LRRC4C: variants seen among roughly 807,000 people sequenced by gnomAD.
LRRC4C encodes the protein leucine-rich repeat-containing protein 4C.
Under a neutral mutation model 33.6 loss-of-function variants are expected in LRRC4C, and 5 were observed. The observed-to-expected ratio is 0.15, with a 90% confidence interval of 0.08 to 0.31. LRRC4C has a LOEUF of 0.31. Ranked by LOEUF, LRRC4C falls within the 10% of genes least tolerant of loss-of-function variation. The pLI is 1.00. For missense variants in LRRC4C, 560 were observed against 796.7 expected (o/e 0.70, Z 3.58); for synonymous variants, 329 against 302.0 (o/e 1.09, Z -0.93).
chr11:40,444,311 C>T (rs1161735980), intron 3 of LRRC4C, among the ~76,000 whole-genome samples: 2 of 132,496 alleles, frequency 1.5e-5, no homozygotes, highest in Non-Finnish European at 3.3e-5. Context: ...TAATCTCTGC[C>T]TTAACATTTT....
chr11:40,128,439 G>A (rs527832899), intron 6 of LRRC4C, among the ~76,000 whole-genome samples: 53 of 152,166 alleles, frequency 3.5e-4, no homozygotes, highest in Non-Finnish European at 7.2e-4. Flanking sequence ...TTTCCAACTT[G>A]AACCTCTTAA....
At chr11:40,476,045 C>T (rs1953202134) in intron 3 of LRRC4C, among the ~76,000 whole-genome samples, 1 of 152,148 alleles carries the variant, frequency 6.6e-6, no homozygotes, top group Non-Finnish European at 1.5e-5. Context: ...TACCCTCCTG[C>T]ATCTCCAGAC....
intron 3 of LRRC4C, among the ~76,000 whole-genome samples, chr11:40,391,836 C>T (rs1949349704): frequency 6.6e-6 from 1 of 152,098 alleles, no homozygotes; most frequent in African/African-American, 2.4e-5. Context: ...ACATAAAAAC[C>T]TGTCTGCGAA....
chr11:40,119,228 AC>A (rs1428810949), intron 6 of LRRC4C, among the ~76,000 whole-genome samples: 1 of 152,242 alleles, frequency 6.6e-6, no homozygotes, highest in Non-Finnish European at 1.5e-5. Context: ...ACCCACGTTT[AC>A]AAAAACACTG....
chr11:41,232,521 G>C (rs1947846732), intron 1 of LRRC4C, among the ~76,000 whole-genome samples: 1 of 151,966 alleles, frequency 6.6e-6, no homozygotes, highest in South Asian at 2.1e-4. Flanking sequence ...TATTTCAAAA[G>C]TTCTGTGTTC....
chr11:40,974,401 G>A (rs1291299877), intron 1 of LRRC4C, among the ~76,000 whole-genome samples: 2 of 152,110 alleles, frequency 1.3e-5, no homozygotes, highest in Non-Finnish European at 2.9e-5. Flanking sequence ...TATAACTGAG[G>A]ATAACAGAGG....
At chr11:40,746,868 CCA>C (rs1480687662) in intron 2 of LRRC4C, among the ~76,000 whole-genome samples, 1 of 152,192 alleles carries the variant, frequency 6.6e-6, no homozygotes, top group East Asian at 1.9e-4. Flanking sequence ...ACTCAATTCA[CCA>C]CAGTTACGAC....
chr11:41,411,907 G>C (rs1392799495), intron 1 of LRRC4C, among the ~76,000 whole-genome samples: 1 of 152,180 alleles, frequency 6.6e-6, no homozygotes, highest in Non-Finnish European at 1.5e-5. Flanking sequence ...TACCAGCCTT[G>C]TGTTGTGAAC....
chr11:41,067,915 A>G (rs2902125), intron 1 of LRRC4C, among the ~76,000 whole-genome samples: 56,222 of 152,030 alleles, frequency 0.37, 10,662 homozygotes, highest in African/African-American at 0.43. Context: ...AGTTTTAAGA[A>G]GGATATCTAT....
intron 5 of LRRC4C, among the ~76,000 whole-genome samples, chr11:40,194,653 G>A (rs988307422): frequency 2.6e-5 from 4 of 152,030 alleles, no homozygotes; most frequent in African/African-American, 9.7e-5. Flanking sequence ...ATAGCATTAG[G>A]AGAAATACCT....
chr11:41,169,703 A>G (rs940463788), intron 1 of LRRC4C, among the ~76,000 whole-genome samples: 1 of 152,168 alleles, frequency 6.6e-6, no homozygotes, highest in African/African-American at 2.4e-5. Context: ...ACAGCAATAA[A>G]CAAGCAAGAT....
chr11:40,370,547 G>A (rs75581490), intron 3 of LRRC4C, among the ~76,000 whole-genome samples: 11,317 of 152,180 alleles, frequency 0.074, 1,356 homozygotes, highest in African/African-American at 0.25. Context: ...TGTATGCACT[G>A]AGAATAGCAA....
intron 5 of LRRC4C, among the ~76,000 whole-genome samples, chr11:40,239,985 C>A (rs762337646): frequency 5.9e-5 from 9 of 152,286 alleles, no homozygotes; most frequent in Non-Finnish European, 1.0e-4. Context: ...AACGCACCCC[C>A]AGACAACCTG....
chr11:41,360,686 C>T (rs1952324571), intron 1 of LRRC4C, among the ~76,000 whole-genome samples: 1 of 152,054 alleles, frequency 6.6e-6, no homozygotes, highest in Non-Finnish European at 1.5e-5. Flanking sequence ...GTGCAAAGAA[C>T]ACCTAATTGG....
rs571898779 is a variant in LRRC4C, at chr11:40,770,206, G to C, written c.-406-121928C>G. On this transcript the variant is annotated intron_variant, in intron 2 of 6. Coordinates refer to ENST00000528697, the MANE Select transcript of LRRC4C (RefSeq NM_001258419.2). The stretch of plus-strand genomic sequence containing the variant: ...ACTTGCAGTTTCACATGTTTAGGGA[G>C]GTCTCAGGAAACTTACAATCATGGT... Among the ~76,000 whole-genome samples, 14 of 152,298 alleles carry C rather than the reference G, an allele frequency of 9.2e-5. 1 individual carries two copies. In the South Asian group the frequency reaches 2.7e-3, roughly 29 times the overall value.
Position 40,121,556 on chromosome 11 carries a change from ACAG to A in LRRC4C, c.-42-5225_-42-5223del, listed in dbSNP as rs549701670. Among the ~76,000 whole-genome samples, 8 of 152,370 alleles carry A rather than the reference ACAG, an allele frequency of 5.3e-5. No homozygotes were observed. In the South Asian group the frequency reaches 1.7e-3, roughly 32 times the overall value. ...GCACTACCCATTACAATGTCATCTG[ACAG>A]CATTTATTTACATATGCATTTGTGT... is the stretch of plus-strand genomic sequence containing the variant. On this transcript the variant is annotated intron_variant, in intron 6 of 6. Transcript: ENST00000528697.
Position 40,636,098 on chromosome 11 carries a change from G to A in LRRC4C, c.-270+12044C>T, listed in dbSNP as rs572074972. On this transcript the variant is annotated intron_variant, in intron 3 of 6. Coordinates refer to ENST00000528697, the MANE Select transcript of LRRC4C (RefSeq NM_001258419.2). ...CAAAACACGAGCCTCTCGGACATTG[G>A]GACAACTAAGGTCTAAGGCGGGCCT... 9.2e-5 allele frequency among the ~76,000 whole-genome samples: 14 copies of A among 152,254 alleles called. No homozygotes were observed. In the South Asian group the frequency reaches 2.7e-3, roughly 29 times the overall value.
At chr11:40,680,500 C>A (rs142241815) in intron 2 of LRRC4C, among the ~76,000 whole-genome samples, 2 of 152,090 alleles carry the variant, frequency 1.3e-5, no homozygotes, top group African/African-American at 2.4e-5. Flanking sequence ...TTCGAGGGAC[C>A]CAGTGGGAGA....
chr11:40,638,979 C>G (rs536695683), intron 3 of LRRC4C, among the ~76,000 whole-genome samples: 8 of 152,016 alleles, frequency 5.3e-5, no homozygotes, highest in African/African-American at 1.9e-4. Flanking sequence ...TTAACAGCTC[C>G]GAGGCTCCGA....
Sources: gnomAD v4.1 joint callset for allele counts (sites outside exome capture counted in the v4.1 genomes callset) on GRCh38, gnomAD v4.1.1 for gene constraint, MANE v1.5 for transcripts, NCBI Gene and HGNC (gene_info 2026-07-23, HGNC 2026-07-21) for gene names.